The following NID2 variants were observed in gnomAD, a reference collection of about 807,000 sequenced individuals.
NID2 encodes the protein nidogen 2.
Under a neutral mutation model 145.4 loss-of-function variants are expected in NID2, and 83 were observed. That is an observed-to-expected ratio of 0.57 (90% CI 0.48 to 0.69). The LOEUF is 0.69. Ranked by LOEUF, NID2 falls within the 30% of genes least tolerant of loss-of-function variation. NID2 has a pLI of 0.00. For synonymous variants in NID2, 739 were observed against 701.3 expected (o/e 1.05, Z -0.85); for missense variants, 1,807 against 1,765.7 (o/e 1.02, Z -0.42).
Position 52,013,982 on chromosome 14 carries a change from G to A in NID2, c.3420+305C>T, listed in dbSNP as rs189163246. On this transcript the variant is annotated intron_variant, in intron 16 of 21. Coordinates refer to ENST00000216286, the MANE Select transcript of NID2 (RefSeq NM_007361.4). ...ACCCTGGGGACTTAGGGTAAGAGTC[G>A]GTCCATTTTCCCTTGGATCACCATA... is the stretch of plus-strand genomic sequence containing the variant. 3.9e-4 allele frequency among the ~76,000 whole-genome samples: 60 copies of A among 152,302 alleles called. 1 individual carries two copies. In the East Asian group the frequency reaches 6.6e-3, roughly 17 times the overall value.
intron 12 of NID2, among the ~76,000 whole-genome samples, chr14:52,023,981 G>C (rs564682680): frequency 5.5e-4 from 84 of 152,340 alleles, no homozygotes; most frequent in African/African-American, 2.0e-3. Flanking sequence ...TTTGGTCACT[G>C]AGACACATGT....
intron 3 of NID2, among the ~76,000 whole-genome samples, chr14:52,058,302 T>C (rs1340684877): frequency 6.6e-6 from 1 of 152,256 alleles, no homozygotes; most frequent in East Asian, 1.9e-4. Context: ...GTTTTGTATA[T>C]ACCTAAATTC....
intron 5 of NID2, among the ~76,000 whole-genome samples, chr14:52,051,309 C>A (rs1292353692): frequency 6.6e-6 from 1 of 152,182 alleles, no homozygotes; most frequent in East Asian, 1.9e-4. Context: ...GGGCAGGGTG[C>A]TTCCCAAGCT....
At chr14:52,014,077 G>T (rs1891125281) in intron 16 of NID2, 1 of 637,244 alleles carries the variant, frequency 1.6e-6, no homozygotes, top group African/African-American at 1.8e-5. Context: ...ACGAACCAGA[G>T]AGCACAGCCT....
At chr14:52,031,006 C>A (rs1891846004) in intron 9 of NID2, among the ~76,000 whole-genome samples, 1 of 152,192 alleles carries the variant, frequency 6.6e-6, no homozygotes, top group South Asian at 2.1e-4. Context: ...CACAGAGAGG[C>A]CAAATAACCT....
intron 9 of NID2, among the ~76,000 whole-genome samples, chr14:52,033,300 G>GC (rs902002034): frequency 1.3e-5 from 2 of 152,034 alleles, no homozygotes; most frequent in African/African-American, 2.4e-5. Flanking sequence ...TCACTGCACA[G>GC]CCCTCTGCCC....
intron 14 of NID2, 48 bp downstream of exon 14, chr14:52,019,013 C>T (rs1336373143): frequency 1.4e-6 from 2 of 1,469,638 alleles, no homozygotes; most frequent in Non-Finnish European, 9.5e-7. Flanking sequence ...TTATGATCTA[C>T]CTACCACCAG....
intron 7 of NID2, 68 bp from the exon 8 acceptor site, chr14:52,040,919 T>G: frequency 1.3e-5 from 17 of 1,309,362 alleles, no homozygotes; most frequent in South Asian, 2.4e-5. Context: ...CAGTATATAC[T>G]GCCCGCTCCC....
intron 5 of NID2, among the ~76,000 whole-genome samples, chr14:52,046,201 T>C (rs1892485624): frequency 6.6e-6 from 1 of 151,664 alleles, no homozygotes; most frequent in Non-Finnish European, 1.5e-5. Flanking sequence ...TGGGCGCCTG[T>C]AGTCCCAGCT....
chr14:52,012,936 G>A (rs935471558), intron 16 of NID2, among the ~76,000 whole-genome samples: 4 of 152,144 alleles, frequency 2.6e-5, no homozygotes, highest in African/African-American at 9.7e-5. Context: ...CCCTGGGAGC[G>A]TAGTCAGCCA....
intron 14 of NID2, among the ~76,000 whole-genome samples, chr14:52,018,730 T>C (rs1423017696): frequency 1.3e-5 from 2 of 152,230 alleles, no homozygotes; most frequent in Admixed American, 6.5e-5. Context: ...GGCCAGATCT[T>C]CTAACTGTCA....
At chr14:52,019,323 A>G (rs759302816) in intron 13 of NID2, 29 bp from the exon 14 acceptor site, 1 of 1,527,500 alleles carries the variant, frequency 6.5e-7, no homozygotes, top group Non-Finnish European at 8.9e-7. Flanking sequence ...AGGAAGACAC[A>G]AAAGAGAAAT....
intron 11 of NID2, among the ~76,000 whole-genome samples, chr14:52,027,635 C>CACCT (rs1566753002): frequency 1.5e-5 from 1 of 67,782 alleles, no homozygotes; most frequent in Admixed American, 1.4e-4. Flanking sequence ...GCAATTGCTA[C>CACCT]ACACACACAC....
rs567307405 is a variant in NID2, at chr14:52,038,829, G to A, written c.2175C>T (p.Asn725=). 7.4e-6 allele frequency: 12 copies of A among 1,613,950 alleles called. No homozygotes were observed. Among genetic ancestry groups the A allele is most frequent in the South Asian group, 4.4e-5 (4 of 91,036 alleles). Residue 725 remains asparagine, a synonymous_variant, in exon 9 of 22, where the codon AAC becomes AAT. Coordinates refer to ENST00000216286, the MANE Select transcript of NID2 (RefSeq NM_007361.4). The part of the protein sequence containing the change: ...HPSFPTTQQL[N]VDRVFALYND... The stretch of plus-strand genomic sequence containing the variant: ...TATACAAGGCAAAGACCCGGTCCAC[G>A]TTCAGCTGCTGGGTGGTGGGGAAGG...
Position 52,053,680 on chromosome 14 carries a change from T to A in NID2, c.1328A>T (p.Glu443Val). 6.2e-7 allele frequency: 1 copy of A among 1,614,216 alleles called. No homozygotes were observed. The highest frequency in any genetic ancestry group is 8.5e-7 in the Non-Finnish European group (1 of 1,180,026). Reference protein sequence around the residue: ...MDVPPAHPEEEIVLRSYPASG... With the variant: ...MDVPPAHPEEVIVLRSYPASG... Reference sequence around the variant, plus strand: ...AGCAGGGTAACTTCGAAGAACAATTTCTTCTTCAGGATGAGCTGGGGGAAC... The same window carrying A: ...AGCAGGGTAACTTCGAAGAACAATTACTTCTTCAGGATGAGCTGGGGGAAC... The change falls in exon 5 of 22, where the codon GAA becomes GTA. Residue 443 changes from glutamate to valine, a missense_variant. Glu to Val is a moderately radical substitution (Grantham distance 121). Transcript: ENST00000216286.
chr14:52,011,492 A>G, intron 17 of NID2, 62 bp downstream of exon 17: 2 of 1,606,564 alleles, frequency 1.2e-6, no homozygotes. Flanking sequence ...ACTTCGGCGT[A>G]AAGTAGACAA....
At position 52,067,204 on chromosome 14, in the gene NID2, G is replaced by A. The variant is rs1893246539; in HGVS notation, c.534+654C>T. ...GCCTTAATGGCCCAACACTGGTTGA[G>A]CATACTGTGGTACACCCACTATTAT... On this transcript the variant is annotated intron_variant, in intron 2 of 21. Transcript: ENST00000216286. 2.0e-5 allele frequency among the ~76,000 whole-genome samples: 3 copies of A among 152,154 alleles called. No individual in the cohort carries two copies. In the South Asian group the frequency reaches 6.2e-4, roughly 31 times the overall value.
rs749063511 is a variant in NID2, at chr14:52,042,130, G to A, written c.1800C>T (p.Gly600=). ...FGWLFALEKP[G]SENGFSLAGA... ...CTGCGAGGCTGAAGCCGTTCTCAGAGCCAGGTTTTTCTAAAGCAAAGAGCC... is the reference window on the plus strand; with the variant it reads ...CTGCGAGGCTGAAGCCGTTCTCAGAACCAGGTTTTTCTAAAGCAAAGAGCC... Residue 600 remains glycine (G), a synonymous_variant, in exon 7 of 22, where the codon GGC becomes GGT. Coordinates refer to ENST00000216286, the MANE Select transcript of NID2 (RefSeq NM_007361.4). 1.9e-6 allele frequency: 3 copies of A among 1,606,012 alleles called. No individual in the cohort carries two copies. Among genetic ancestry groups the A allele is most frequent in the South Asian group, 2.2e-5 (2 of 90,340 alleles).
chr14:52,011,933 T>C lies in NID2; in HGVS notation c.3421-250A>G, dbSNP rs1595001851. The C allele has an allele frequency of 1.2e-5, 5 of 425,174 alleles. No individual in the cohort carries two copies. In the East Asian group the frequency reaches 1.6e-4, roughly 14 times the overall value. 26.3% of individuals were successfully genotyped at this position (425,174 alleles called of 1,614,324 possible). On this transcript the variant is annotated intron_variant, in intron 16 of 21. Transcript: ENST00000216286. Reference sequence around the variant, plus strand: ...TGCAAAATGAGGCCAATAGTGTACCTGCCTCATATGGTTGCTATAAAAATT... The same window carrying C: ...TGCAAAATGAGGCCAATAGTGTACCCGCCTCATATGGTTGCTATAAAAATT...
Sources: gnomAD v4.1 joint callset for allele counts (sites outside exome capture counted in the v4.1 genomes callset) on GRCh38, gnomAD v4.1.1 for gene constraint, MANE v1.5 for transcripts, NCBI Gene and HGNC (gene_info 2026-07-23, HGNC 2026-07-21) for gene names.